Variants in RDX observed in about 807,000 individuals in gnomAD.
RDX encodes deafness, autosomal recessive 24.
RDX carries 32 observed loss-of-function variants against 83.7 expected under a neutral mutation model. The observed-to-expected ratio is 0.38, with a 90% confidence interval of 0.29 to 0.51. The LOEUF (loss-of-function observed/expected upper bound fraction) is 0.51, where lower values mean the gene tolerates loss of function less well. Ranked by LOEUF, RDX falls within the 20% of genes least tolerant of loss-of-function variation. The pLI is 0.87. For missense variants in RDX, 600 were observed against 689.9 expected, an observed-to-expected ratio of 0.87 and a Z score of 1.46; for synonymous variants, 229 against 222.7, an observed-to-expected ratio of 1.03 and a Z score of -0.25.
At chr11:110,221,601 A>AACACACACACACACAC (rs60766252) in intron 14 of RDX, among the ~76,000 whole-genome samples, 33 of 133,596 alleles carry the variant, frequency 2.5e-4, no homozygotes, top group East Asian at 8.8e-4. Flanking sequence ...CTGTCTCCAA[A>AACACACACACACACAC]ACACACACAC....
chr11:110,279,146 T>G, intron 2 of RDX, among the ~76,000 whole-genome samples: 1 of 152,232 alleles, frequency 6.6e-6, no homozygotes. Context: ...ATATATCAGA[T>G]TCTTCTAACC....
intron 6 of RDX, 22 bp from the exon 7 acceptor site, chr11:110,257,935 T>C: frequency 6.2e-7 from 1 of 1,605,908 alleles, no homozygotes; most frequent in Non-Finnish European, 8.5e-7. Context: ...AAACTAAATG[T>C]AATATATTTA....
intron 14 of RDX, among the ~76,000 whole-genome samples, chr11:110,200,568 A>C (rs1863366508): frequency 6.6e-6 from 1 of 152,200 alleles, no homozygotes; most frequent in South Asian, 2.1e-4. Flanking sequence ...GTTATGAACC[A>C]AAAGGGCAGC....
rs1171503884 is a variant in RDX at position 110,231,761 on chromosome 11, G to A, written c.*108C>T. On this transcript the variant is annotated 3_prime_UTR_variant, in exon 14 of 14. Coordinates refer to ENST00000645495, the MANE Select transcript of RDX (RefSeq NM_002906.4). ...TCTTTTAGCTAGCACAGTCAAACTG[G>A]TGTAAGTGCTTTGGCAAGGTGGGAT... 5.0e-6 allele frequency: 6 copies of A among 1,196,100 alleles called. No individual in the cohort carries two copies. The African/African-American group carries it at 9.0e-5, about 18-fold the overall frequency. The allele number at this position is 1,196,100 out of a possible 1,614,324, so 74.1% of individuals were successfully genotyped here.
At chr11:110,225,677 T>A (rs140299030), downstream of RDX, among the ~76,000 whole-genome samples, 2 of 152,060 alleles carry the variant, frequency 1.3e-5, no homozygotes, top group African/African-American at 2.4e-5. Flanking sequence ...TGTGGCAAAA[T>A]TAGAACCTTG....
intron 12 of RDX, among the ~76,000 whole-genome samples, chr11:110,235,376 A>G (rs1864804130): frequency 6.6e-6 from 1 of 151,982 alleles, no homozygotes; most frequent in Non-Finnish European, 1.5e-5. Flanking sequence ...ATATCCAATC[A>G]CTGGTTCCCA....
At chr11:110,237,236 C>G (rs895818276) in intron 11 of RDX, among the ~76,000 whole-genome samples, 1 of 151,852 alleles carries the variant, frequency 6.6e-6, no homozygotes, top group African/African-American at 2.4e-5. Context: ...CAAAGTGAAT[C>G]AGAACCTTTT....
rs1270274036 is a variant in RDX, at chr11:110,290,313, C to G, written c.-65+6154G>C. On this transcript the variant is annotated intron_variant, in intron 1 of 13. Coordinates refer to ENST00000645495, the MANE Select transcript of RDX (RefSeq NM_002906.4). ...GCTGAGGCGGGAGGATCACTTGAAC[C>G]CAGGACAGCCTGGGCAACATGGTGA... Among the ~76,000 whole-genome samples, 3 of 151,944 alleles carry G rather than the reference C, an allele frequency of 2.0e-5. No individual in the cohort carries two copies. In the East Asian group the frequency reaches 5.8e-4, roughly 29 times the overall value.
chr11:110,224,240 A>C (rs1864358947), intron 14 of RDX, among the ~76,000 whole-genome samples: 1 of 151,868 alleles, frequency 6.6e-6, no homozygotes, highest in South Asian at 2.1e-4. Flanking sequence ...AAAACAAAAA[A>C]ACAAAACCCT....
chr11:110,263,039 C>T (rs548135804), intron 5 of RDX, among the ~76,000 whole-genome samples: 10 of 152,106 alleles, frequency 6.6e-5, no homozygotes, highest in Non-Finnish European at 1.3e-4. Flanking sequence ...CTTTGGGAGA[C>T]CGAGGTGGGA....
At chr11:110,290,589 A>G (rs1413612202) in intron 1 of RDX, among the ~76,000 whole-genome samples, 1 of 152,164 alleles carries the variant, frequency 6.6e-6, no homozygotes, top group African/African-American at 2.4e-5. Flanking sequence ...AGAACTCCTG[A>G]GTATTTTACT....
At chr11:110,243,828 A>G (rs1865196336) in intron 10 of RDX, among the ~76,000 whole-genome samples, 1 of 152,194 alleles carries the variant, frequency 6.6e-6, no homozygotes. Flanking sequence ...ACCACTTCAC[A>G]CCCATTAAGA....
chr11:110,292,278 G>A (rs552947696), intron 1 of RDX, among the ~76,000 whole-genome samples: 52 of 151,178 alleles, frequency 3.4e-4, no homozygotes, highest in Non-Finnish European at 6.9e-4. Flanking sequence ...GGGCAACAGA[G>A]CGAGACCCTG....
At chr11:110,258,462 G>C (rs1859642291) in intron 5 of RDX, among the ~76,000 whole-genome samples, 2 of 152,156 alleles carry the variant, frequency 1.3e-5, no homozygotes, top group African/African-American at 4.8e-5. Flanking sequence ...ATCAGGGAAT[G>C]CTGGGAGAAG....
intron 5 of RDX, among the ~76,000 whole-genome samples, chr11:110,263,098 T>C (rs765266536): frequency 1.3e-4 from 19 of 151,566 alleles, no homozygotes; most frequent in Admixed American, 1.3e-4. Context: ...AACATAGTGA[T>C]ACCCTGTCTC....
intron 10 of RDX, among the ~76,000 whole-genome samples, chr11:110,240,226 G>A (rs914242806): frequency 6.6e-6 from 1 of 152,114 alleles, no homozygotes; most frequent in African/African-American, 2.4e-5. Flanking sequence ...ATGAAATCCT[G>A]TCATTTGCAG....
intron 15 of RDX, among the ~76,000 whole-genome samples, chr11:110,187,651 A>T (rs1863013555): frequency 6.6e-6 from 1 of 152,198 alleles, no homozygotes; most frequent in Non-Finnish European, 1.5e-5. Context: ...ATGGCTGCCC[A>T]TTGGACCTCT....
At chr11:110,244,788 A>G (rs1372922102) in intron 10 of RDX, among the ~76,000 whole-genome samples, 1 of 152,198 alleles carries the variant, frequency 6.6e-6, no homozygotes, top group East Asian at 1.9e-4. Context: ...ATATGATGGT[A>G]TAAGTCAGAA....
chr11:110,187,808 G>T (rs980802601), intron 15 of RDX, among the ~76,000 whole-genome samples: 1 of 152,230 alleles, frequency 6.6e-6, no homozygotes, highest in African/African-American at 2.4e-5. Context: ...ATGGTGCACT[G>T]CACAGATCAA....
Sources: gnomAD v4.1 joint callset for allele counts (sites outside exome capture counted in the v4.1 genomes callset) on GRCh38, gnomAD v4.1.1 for gene constraint, MANE v1.5 for transcripts, NCBI Gene and HGNC (gene_info 2026-07-23, HGNC 2026-07-21) for gene names.